Variants in ROBO2 observed in about 807,000 individuals in gnomAD.
The protein encoded by ROBO2 is roundabout guidance receptor 2.
In ROBO2, 53 loss-of-function variants were observed where a neutral mutation model predicts 160.8. The observed-to-expected ratio is 0.33, with a 90% CI of 0.26 to 0.41. The LOEUF is 0.41. ROBO2 is among the 10% of genes least tolerant of loss of function. The pLI is 1.00. For missense variants in ROBO2, 1,577 were observed against 1,722.4 expected, an observed-to-expected ratio of 0.92 and a Z score of 1.49; for synonymous variants, 664 against 611.7, an observed-to-expected ratio of 1.09 and a Z score of -1.26.
At chr3:76,991,488 C>T (rs2060661928) in intron 2 of ROBO2, among the ~76,000 whole-genome samples, 1 of 152,176 alleles carries the variant, frequency 6.6e-6, no homozygotes, top group Non-Finnish European at 1.5e-5. Flanking sequence ...ACTATCAGCT[C>T]AGATCTCTGT....
chr3:77,259,679 C>T (rs2058656665), intron 2 of ROBO2, among the ~76,000 whole-genome samples: 1 of 152,190 alleles, frequency 6.6e-6, no homozygotes, highest in Non-Finnish European at 1.5e-5. Context: ...CTTAGCATTT[C>T]AGCAGCTGAC....
chr3:76,018,898 A>G lies in ROBO2; in HGVS notation c.109+81296A>G, dbSNP rs139889904. Among the ~76,000 whole-genome samples, 1,050 of 152,078 alleles carry G rather than the reference A, an allele frequency of 6.9e-3. 67 individuals carry two copies. In the East Asian group the frequency reaches 0.17, roughly 25 times the overall value. On this transcript the variant is annotated intron_variant, in intron 2 of 26. Coordinates refer to the ROBO2 transcript ENST00000487694. ...AATATTTGCATTATGGCCTCCCCAC[A>G]TGGTTCGGTTTTCTCTGAAGTTCTG... is the stretch of plus-strand genomic sequence containing the variant.
At chr3:77,051,047 G>A (rs1327317590) in intron 1 of ROBO2, among the ~76,000 whole-genome samples, 1 of 151,666 alleles carries the variant, frequency 6.6e-6, no homozygotes, top group East Asian at 1.9e-4. Context: ...CATCAAATGG[G>A]CATATGAGCC....
intron 2 of ROBO2, among the ~76,000 whole-genome samples, chr3:76,094,670 TATTC>T (rs1328002412): frequency 6.6e-6 from 1 of 152,192 alleles, no homozygotes; most frequent in Non-Finnish European, 1.5e-5. Flanking sequence ...AAACCTGAAA[TATTC>T]AAGGAAGGAG....
At chr3:76,790,235 G>A (rs1399879065) in intron 2 of ROBO2, among the ~76,000 whole-genome samples, 1 of 151,588 alleles carries the variant, frequency 6.6e-6, no homozygotes, top group Non-Finnish European at 1.5e-5. Flanking sequence ...GTAACCTGGC[G>A]ATATTCTTGG....
intron 2 of ROBO2, among the ~76,000 whole-genome samples, chr3:77,109,438 A>C (rs1389434703): frequency 6.6e-6 from 1 of 152,212 alleles, no homozygotes; most frequent in Non-Finnish European, 1.5e-5. Context: ...CCACAACAAA[A>C]ACCAAGGCAT....
intron 2 of ROBO2, among the ~76,000 whole-genome samples, chr3:76,916,778 C>T (rs915910881): frequency 4.6e-5 from 7 of 151,960 alleles, no homozygotes; most frequent in Non-Finnish European, 8.8e-5. Flanking sequence ...AGAAAAAGAA[C>T]AAATCCAAAG....
intron 2 of ROBO2, among the ~76,000 whole-genome samples, chr3:76,633,921 A>G (rs1423012242): frequency 6.6e-6 from 1 of 152,214 alleles, no homozygotes; most frequent in Non-Finnish European, 1.5e-5. Flanking sequence ...CTGAGAGTCA[A>G]CTCATCACTG....
At position 77,343,084 on chromosome 3, in the gene ROBO2, G is replaced by GAGAGAGAGAGAGAA. The variant is rs35897096; in HGVS notation, c.389-134327_389-134326insGAGAGAGAGAAAGA. On this transcript the variant is annotated intron_variant, in intron 2 of 25. Coordinates refer to ENST00000461745, the Ensembl canonical transcript of ROBO2. ...AGAGAGAGAGAGAGAGAGAGAGAGA[G>GAGAGAGAGAGAGAA]AGAACTTTCTTATAAGACCACAATC... Among the ~76,000 whole-genome samples, 528 of 146,260 alleles carry GAGAGAGAGAGAGAA rather than the reference G, an allele frequency of 3.6e-3. 3 individuals carry two copies. Among genetic ancestry groups the GAGAGAGAGAGAGAA allele is most frequent in the Middle Eastern group, 6.8e-3 (2 of 292 alleles).
chr3:76,617,436 T>C lies in ROBO2; in HGVS notation c.110-480578T>C, dbSNP rs181590170. Among the ~76,000 whole-genome samples, 2 of 152,322 alleles carry C rather than the reference T, an allele frequency of 1.3e-5. 1 individual carries two copies. The highest frequency in any genetic ancestry group is 3.9e-4 in the East Asian group (2 of 5,182). On this transcript the variant is annotated intron_variant, in intron 2 of 26. Coordinates refer to the ROBO2 transcript ENST00000487694. ...TTTCTGAAACTTAGTAAGGATTATA[T>C]CTGTTTGGGTTTTATATTTTTCTAT...
intron 2 of ROBO2, among the ~76,000 whole-genome samples, chr3:76,256,980 C>T (rs2107578811): frequency 6.7e-6 from 1 of 148,654 alleles, no homozygotes; most frequent in South Asian, 2.1e-4. Context: ...CTCAAGAACT[C>T]ACTCACTACC....
At chr3:76,929,533 A>C (rs1410425338) in intron 2 of ROBO2, among the ~76,000 whole-genome samples, 1 of 152,186 alleles carries the variant, frequency 6.6e-6, no homozygotes, top group Non-Finnish European at 1.5e-5. Flanking sequence ...GGGTCATTGT[A>C]ATAGATTTCC....
intron 2 of ROBO2, among the ~76,000 whole-genome samples, chr3:77,429,128 G>A (rs534793242): frequency 6.6e-6 from 1 of 152,272 alleles, no homozygotes; most frequent in East Asian, 1.9e-4. Context: ...ATCCTATTGT[G>A]ACACAAATCA....
At chr3:76,788,168 G>A (rs1269486671) in intron 2 of ROBO2, among the ~76,000 whole-genome samples, 5 of 151,236 alleles carry the variant, frequency 3.3e-5, no homozygotes, top group Non-Finnish European at 5.9e-5. Flanking sequence ...TATTTGTTGA[G>A]TACCTAGAAT....
At chr3:76,005,683 G>T (rs138952456) in intron 2 of ROBO2, among the ~76,000 whole-genome samples, 9 of 152,222 alleles carry the variant, frequency 5.9e-5, no homozygotes, top group African/African-American at 1.9e-4. Context: ...GGGCTAATAA[G>T]TGTTTCCAGA....
chr3:76,358,038 A>G (rs964207863), intron 2 of ROBO2, among the ~76,000 whole-genome samples: 9 of 151,674 alleles, frequency 5.9e-5, no homozygotes, highest in African/African-American at 2.2e-4. Flanking sequence ...ATTTTGGGGG[A>G]CATAAAAAGT....
rs150172078 is a variant in ROBO2, at chr3:77,643,465, T to C, written c.3935-1239T>C. Among the ~76,000 whole-genome samples, 743 of 152,344 alleles carry C rather than the reference T, an allele frequency of 4.9e-3. 1 individual carries two copies. The highest frequency in any genetic ancestry group is 0.017 in the African/African-American group (696 of 41,582). On this transcript the variant is annotated intron_variant, in intron 24 of 25. Transcript: ENST00000461745. ...CCAACTGTTAATCAGTTGATTGATT[T>C]AGTTGGTTGTTAATCTGTCTATGGG...
At position 77,477,057 on chromosome 3, in the gene ROBO2, A is replaced by G. The variant is rs184706285; in HGVS notation, c.389-357A>G. 2.6e-3 allele frequency among the ~76,000 whole-genome samples: 389 copies of G among 152,284 alleles called. 1 individual carries two copies. Among genetic ancestry groups the G allele is most frequent in the African/African-American group, 9.1e-3 (376 of 41,538 alleles). ...CATATATATATGCGTGCACACACACACACACATATATGAGTTTCTATATAG... is the reference window on the plus strand; with the variant it reads ...CATATATATATGCGTGCACACACACGCACACATATATGAGTTTCTATATAG... On this transcript the variant is annotated intron_variant, in intron 2 of 25. Coordinates refer to ENST00000461745, the Ensembl canonical transcript of ROBO2.
At chr3:76,434,651 A>G (rs2076585268) in intron 2 of ROBO2, 6 of 1,284,664 alleles carry the variant, frequency 4.7e-6, no homozygotes, top group Middle Eastern at 1.9e-4. Flanking sequence ...AACTGAGTGG[A>G]CTCTGCCATC....
Sources: allele counts gnomAD v4.1 joint callset (sites outside exome capture counted in the v4.1 genomes callset), GRCh38; gene constraint gnomAD v4.1.1; transcripts MANE v1.5; gene names NCBI Gene and HGNC (gene_info 2026-07-23, HGNC 2026-07-21).